PDE4D: variants seen among roughly 807,000 people sequenced by gnomAD.
PDE4D encodes the protein phosphodiesterase 4D, also known as 3',5'-cyclic-AMP phosphodiesterase 4D.
In PDE4D, 24 loss-of-function variants were observed where a neutral mutation model predicts 87.4. The observed-to-expected ratio is 0.27, with a 90% CI of 0.20 to 0.39. PDE4D has a LOEUF of 0.39. Ranked by LOEUF, PDE4D falls within the 10% of genes least tolerant of loss-of-function variation. The pLI, the probability that PDE4D is intolerant of heterozygous loss-of-function variation, is 1.00. For missense variants in PDE4D, 714 were observed against 1,041.0 expected, an observed-to-expected ratio of 0.69 and a Z score of 4.32; for synonymous variants, 384 against 383.2, an observed-to-expected ratio of 1.00 and a Z score of -0.02.
intron 6 of PDE4D, among the ~76,000 whole-genome samples, chr5:58,997,365 C>T (rs866567257): frequency 4.6e-5 from 7 of 152,002 alleles, no homozygotes; most frequent in Admixed American, 1.3e-4. Context: ...TGTGATACTT[C>T]TCTCATCTAA....
intron 1 of PDE4D, among the ~76,000 whole-genome samples, chr5:59,427,292 TAC>T (rs60646746): frequency 0.074 from 9,716 of 132,134 alleles, 338 homozygotes; most frequent in East Asian, 0.11. Context: ...AGTGATTTTA[TAC>T]ACACACACAC....
At chr5:60,358,303 T>C (rs1484247315) in intron 1 of PDE4D, among the ~76,000 whole-genome samples, 2 of 152,214 alleles carry the variant, frequency 1.3e-5, no homozygotes, top group African/African-American at 4.8e-5. Flanking sequence ...GGGAATGAGA[T>C]AGAAGCAAAA....
intron 6 of PDE4D, among the ~76,000 whole-genome samples, chr5:59,034,398 T>C (rs1758135134): frequency 6.6e-6 from 1 of 152,224 alleles, no homozygotes; most frequent in Non-Finnish European, 1.5e-5. Flanking sequence ...TTAACTTAGT[T>C]TCCTTCTTAG....
intron 1 of PDE4D, among the ~76,000 whole-genome samples, chr5:60,301,198 C>T (rs566035683): frequency 1.3e-5 from 2 of 152,262 alleles, no homozygotes; most frequent in South Asian, 2.1e-4. Flanking sequence ...GCAATTTGGG[C>T]TCTTTTTTGG....
intron 5 of PDE4D, among the ~76,000 whole-genome samples, chr5:59,127,542 C>T (rs1365495522): frequency 1.3e-5 from 2 of 151,684 alleles, no homozygotes; most frequent in African/African-American, 4.8e-5. Flanking sequence ...ATACAGGAAA[C>T]GCATAGAAGA....
At chr5:59,626,362 A>G (rs1830905926) in intron 1 of PDE4D, among the ~76,000 whole-genome samples, 1 of 152,218 alleles carries the variant, frequency 6.6e-6, no homozygotes, top group South Asian at 2.1e-4. Flanking sequence ...GAAAATATAT[A>G]CAATTTCAAT....
chr5:59,189,302 T>C (rs1276076618), intron 3 of PDE4D, among the ~76,000 whole-genome samples: 1 of 130,278 alleles, frequency 7.7e-6, no homozygotes, highest in East Asian at 2.2e-4. Context: ...CAGGATGGAG[T>C]GCAATGGCGC....
intron 3 of PDE4D, chr5:59,987,348 A>G (rs1470730223): frequency 2.0e-5 from 3 of 152,184 alleles, no homozygotes; most frequent in African/African-American, 4.8e-5. Context: ...ACATAGTTCA[A>G]TTACAACAAC....
chr5:59,814,665 T>C (rs982116618), intron 1 of PDE4D, among the ~76,000 whole-genome samples: 1 of 152,084 alleles, frequency 6.6e-6, no homozygotes, highest in Non-Finnish European at 1.5e-5. Context: ...AAACAACAAA[T>C]AAAATCCAGA....
intron 5 of PDE4D, among the ~76,000 whole-genome samples, chr5:59,050,409 C>A (rs144482509): frequency 6.6e-6 from 1 of 152,306 alleles, no homozygotes; most frequent in East Asian, 1.9e-4. Flanking sequence ...TTACAAGCAA[C>A]ACATATGAGT....
At chr5:59,537,044 T>C (rs1815412386) in intron 1 of PDE4D, among the ~76,000 whole-genome samples, 1 of 152,180 alleles carries the variant, frequency 6.6e-6, no homozygotes, top group Non-Finnish European at 1.5e-5. Context: ...TAGGTATGGT[T>C]GTGCGTGTAT....
At chr5:60,304,651 C>CAAAAAA (rs70975379) in intron 1 of PDE4D, among the ~76,000 whole-genome samples, 40 of 59,892 alleles carry the variant, frequency 6.7e-4, no homozygotes, top group East Asian at 1.1e-3. Context: ...GACTCCGTCT[C>CAAAAAA]AAAAAAAAAA....
intron 5 of PDE4D, among the ~76,000 whole-genome samples, chr5:59,059,768 A>G (rs1762863474): frequency 6.6e-6 from 1 of 152,200 alleles, no homozygotes; most frequent in Non-Finnish European, 1.5e-5. Flanking sequence ...CTAAGTTCAT[A>G]TGGTAAAGAT....
chr5:60,392,182 CT>C (rs2150028686), intron 1 of PDE4D, among the ~76,000 whole-genome samples: 1 of 152,208 alleles, frequency 6.6e-6, no homozygotes, highest in African/African-American at 2.4e-5. Context: ...CAAAGATACC[CT>C]GAGTTTGTAC....
chr5:59,985,053 A>G (rs1582042475), intron 3 of PDE4D, among the ~76,000 whole-genome samples: 1 of 151,762 alleles, frequency 6.6e-6, no homozygotes, highest in South Asian at 2.1e-4. Flanking sequence ...TCTTTCTGAC[A>G]GCTGTAAAGG....
At chr5:59,863,639 T>C (rs1746601117) in intron 1 of PDE4D, among the ~76,000 whole-genome samples, 1 of 152,242 alleles carries the variant, frequency 6.6e-6, no homozygotes, top group Admixed American at 6.5e-5. Context: ...CTCCAGCATT[T>C]ATCTGAATTT....
intron 1 of PDE4D, among the ~76,000 whole-genome samples, chr5:59,258,619 T>A (rs1395342733): frequency 6.7e-6 from 1 of 149,750 alleles, no homozygotes; most frequent in Non-Finnish European, 1.5e-5. Context: ...AATTTACATA[T>A]CTCTAAGAAC....
chr5:59,220,601 CACTT>C, intron 1 of PDE4D, among the ~76,000 whole-genome samples: 1 of 152,130 alleles, frequency 6.6e-6, no homozygotes, highest in Middle Eastern at 3.4e-3. Context: ...GAGAATTAGA[CACTT>C]ACTTAACTTT....
intron 3 of PDE4D, among the ~76,000 whole-genome samples, chr5:59,904,240 C>T (rs1247644125): frequency 6.6e-6 from 1 of 152,020 alleles, no homozygotes; most frequent in Non-Finnish European, 1.5e-5. Context: ...ATAAAATAAA[C>T]AAGGCATTTT....
Sources: allele counts gnomAD v4.1 joint callset (sites outside exome capture counted in the v4.1 genomes callset), GRCh38; gene constraint gnomAD v4.1.1; transcripts MANE v1.5; gene names NCBI Gene and HGNC (gene_info 2026-07-23, HGNC 2026-07-21).